Variants in MARCHF3 observed in about 807,000 individuals in gnomAD.
The protein encoded by MARCHF3 is membrane associated ring-CH-type finger 3.
A neutral mutation model predicts 24.2 loss-of-function variants in MARCHF3; 13 were observed. That is an observed-to-expected ratio of 0.54 (90% confidence interval 0.35 to 0.85). The LOEUF is 0.85. Ranked by LOEUF, MARCHF3 falls within the 40% of genes least tolerant of loss-of-function variation. MARCHF3 has a pLI of 0.01. For missense variants in MARCHF3, 276 were observed against 325.0 expected (o/e 0.85, Z 1.16); for synonymous variants, 144 against 137.3 (o/e 1.05, Z -0.34).
At chr5:126,950,812 T>C (rs1750206301) in intron 1 of MARCHF3, among the ~76,000 whole-genome samples, 1 of 152,200 alleles carries the variant, frequency 6.6e-6, no homozygotes, top group Non-Finnish European at 1.5e-5. Flanking sequence ...ACAGCAAATC[T>C]CCCTGAAATA....
At chr5:126,981,402 C>A (rs1176015528) in intron 1 of MARCHF3, among the ~76,000 whole-genome samples, 1 of 152,214 alleles carries the variant, frequency 6.6e-6, no homozygotes. Flanking sequence ...TTGGACCACA[C>A]AACCTCAGAG....
Position 126,948,640 on chromosome 5 carries a change from C to G in MARCHF3, c.-56-30413G>C, listed in dbSNP as rs747326681. Among the ~76,000 whole-genome samples the G allele has an allele frequency of 2.0e-5, 3 of 152,224 alleles. No homozygotes were observed. In the South Asian group the frequency reaches 6.2e-4, roughly 32 times the overall value. ...TGATCCTTGGGCTATGTCTTAGGGG[C>G]GTATTTCTTAAGTGCTTGGGGATTT... On this transcript the variant is annotated intron_variant, in intron 1 of 4. Transcript: ENST00000308660.
chr5:126,877,263 CTG>C (rs1053210937), intron 4 of MARCHF3, among the ~76,000 whole-genome samples: 3 of 152,126 alleles, frequency 2.0e-5, no homozygotes, highest in Non-Finnish European at 4.4e-5. Flanking sequence ...CATGCTGACA[CTG>C]TGCTATGGGA....
chr5:126,884,463 G>T (rs139489761), intron 3 of MARCHF3, among the ~76,000 whole-genome samples: 1 of 152,102 alleles, frequency 6.6e-6, no homozygotes, highest in African/African-American at 2.4e-5. Flanking sequence ...ACCTCTAGAC[G>T]TGCACATTCA....
intron 2 of MARCHF3, among the ~76,000 whole-genome samples, chr5:126,915,506 A>G (rs1218172797): frequency 1.3e-5 from 2 of 152,256 alleles, no homozygotes; most frequent in East Asian, 3.8e-4. Context: ...TTGAAATGAC[A>G]AATTGAATCT....
At chr5:126,990,381 T>G (rs1343105222) in intron 1 of MARCHF3, among the ~76,000 whole-genome samples, 2 of 151,992 alleles carry the variant, frequency 1.3e-5, no homozygotes, top group Non-Finnish European at 2.9e-5. Context: ...CCTTATGCCT[T>G]GTACAAAAAA....
chr5:126,917,670 T>C lies in MARCHF3; in HGVS notation c.188+314A>G, dbSNP rs577164459. Among the ~76,000 whole-genome samples the C allele has an allele frequency of 2.6e-5, 4 of 152,322 alleles. No homozygotes were observed. The East Asian group carries it at 7.7e-4, about 29-fold the overall frequency. ...TCCTGTTCCAATAGGACCACCTTTG[T>C]TACCTACTGGAGACAACAAGAGAGC... On this transcript the variant is annotated intron_variant, in intron 2 of 4. Coordinates refer to ENST00000308660, the MANE Select transcript of MARCHF3 (RefSeq NM_178450.5).
chr5:126,978,735 C>T (rs138143951), intron 1 of MARCHF3, among the ~76,000 whole-genome samples: 11 of 152,296 alleles, frequency 7.2e-5, no homozygotes, highest in Non-Finnish European at 1.0e-4. Context: ...TTTCTATGAG[C>T]GGCTCTCTCT....
chr5:126,914,607 T>G, intron 3 of MARCHF3: 1 of 453,492 alleles, frequency 2.2e-6, no homozygotes, highest in Admixed American at 3.4e-5. Context: ...GTTTGATCTG[T>G]TGGTTCCATT....
rs540592916 is a variant in MARCHF3, at chr5:126,991,440, C to T, written c.-57+38910G>A. Reference sequence around the variant, plus strand: ...GGAGGGATAGCATTAGGAGAAATACCTAATGTAAATGATGAGTTGATGGGT... The same window carrying T: ...GGAGGGATAGCATTAGGAGAAATACTTAATGTAAATGATGAGTTGATGGGT... On this transcript the variant is annotated intron_variant, in intron 1 of 4. Coordinates refer to ENST00000308660, the MANE Select transcript of MARCHF3 (RefSeq NM_178450.5). 7.6e-3 allele frequency among the ~76,000 whole-genome samples: 1,164 copies of T among 152,210 alleles called. 8 individuals are homozygous for T. The highest frequency in any genetic ancestry group is 0.012 in the Non-Finnish European group (835 of 68,004).
chr5:126,945,537 T>G lies in MARCHF3; in HGVS notation c.-56-27310A>C, dbSNP rs186832759. On this transcript the variant is annotated intron_variant, in intron 1 of 4. Coordinates refer to ENST00000308660, the MANE Select transcript of MARCHF3 (RefSeq NM_178450.5). ...AGTAGAGGGAAAAACATTTGCAAACTCCCCAGTGTTACAGCAACTGAAGGC... is the reference window on the plus strand; with the variant it reads ...AGTAGAGGGAAAAACATTTGCAAACGCCCCAGTGTTACAGCAACTGAAGGC... Among the ~76,000 whole-genome samples, 485 of 152,108 alleles carry G rather than the reference T, an allele frequency of 3.2e-3. 1 individual carries two copies. The highest frequency in any genetic ancestry group is 0.011 in the African/African-American group (454 of 41,510).
In MARCHF3 at chr5:126,893,033, G is replaced by A. The variant is rs374210754; in HGVS notation, c.394-14639C>T. ...TGAGTCTTGGGAGGGTGTATGTGTC[G>A]AGGAATTTATCCATTTCTTCTAGAT... is the stretch of plus-strand genomic sequence containing the variant. On this transcript the variant is annotated intron_variant, in intron 3 of 4. Coordinates refer to ENST00000308660, the MANE Select transcript of MARCHF3 (RefSeq NM_178450.5). Among the ~76,000 whole-genome samples the A allele has an allele frequency of 1.4e-4, 21 of 151,882 alleles. No homozygotes were observed. In the South Asian group the frequency reaches 1.7e-3, roughly 12 times the overall value.
At position 126,955,573 on chromosome 5, in the gene MARCHF3, T is replaced by A. The variant is rs556432381; in HGVS notation, c.-56-37346A>T. On this transcript the variant is annotated intron_variant, in intron 1 of 4. Transcript: ENST00000308660. ...CTCCTAATTGTTAGTAAGGTCAGCA[T>A]CTCTTATGTTTATTGGTTCTTTAAA... Among the ~76,000 whole-genome samples, 163 of 152,358 alleles carry A rather than the reference T, an allele frequency of 1.1e-3. 1 individual carries two copies. Among genetic ancestry groups the A allele is most frequent in the African/African-American group, 3.7e-3 (153 of 41,590 alleles).
rs565079709 is a variant in MARCHF3, at chr5:126,970,314, C to G, written c.-56-52087G>C. ...TGTTAGCCAGGCTGGTCTCGAACTC[C>G]TGACCTCAGATGATACACCCACCTC... On this transcript the variant is annotated intron_variant, in intron 1 of 4. Transcript: ENST00000308660. 3.4e-4 allele frequency among the ~76,000 whole-genome samples: 52 copies of G among 152,214 alleles called. No homozygotes were observed. The South Asian group carries it at 0.01, about 30-fold the overall frequency.
rs369285219 is a variant in MARCHF3 at position 126,922,552 on chromosome 5, A to ATTTATTAT, written c.-56-4326_-56-4325insATAATAAA. The stretch of plus-strand genomic sequence containing the variant: ...TATTTATTTATTTATTTATTTATTT[A>ATTTATTAT]TTATTTATTTTTGAGTCGGAGTCTC... On this transcript the variant is annotated intron_variant, in intron 1 of 4. Coordinates refer to ENST00000308660, the MANE Select transcript of MARCHF3 (RefSeq NM_178450.5). 3.9e-4 allele frequency among the ~76,000 whole-genome samples: 43 copies of ATTTATTAT among 111,094 alleles called. No individual in the cohort carries two copies. The South Asian group carries it at 5.4e-3, about 14-fold the overall frequency. 72.9% of individuals were successfully genotyped at this position (111,094 alleles called of 152,430 possible). A position where few individuals can be genotyped will look rare whatever the true frequency, so the allele number is the denominator to read the frequency against.
At chr5:126,995,247 C>T (rs1751912092) in intron 1 of MARCHF3, among the ~76,000 whole-genome samples, 2 of 152,230 alleles carry the variant, frequency 1.3e-5, no homozygotes, top group Non-Finnish European at 2.9e-5. Context: ...CTTGGACACA[C>T]AGTTTAAAAA....
At chr5:126,896,246 G>A (rs1465463852) in intron 3 of MARCHF3, among the ~76,000 whole-genome samples, 1 of 152,120 alleles carries the variant, frequency 6.6e-6, no homozygotes, top group African/African-American at 2.4e-5. Context: ...TACCTCAGAT[G>A]GAAATGCAGA....
At chr5:126,870,823 G>T (rs193141880) in intron 4 of MARCHF3, 32 bp from the exon 5 acceptor site, 22 of 1,611,952 alleles carry the variant, frequency 1.4e-5, no homozygotes, top group African/African-American at 2.7e-5. Flanking sequence ...TAAGAGAAAA[G>T]AATTCAGGTC....
At chr5:126,880,574 A>T (rs1561775384) in intron 3 of MARCHF3, among the ~76,000 whole-genome samples, 1 of 152,214 alleles carries the variant, frequency 6.6e-6, no homozygotes, top group South Asian at 2.1e-4. Context: ...GCATTATTGT[A>T]TCTTAATTTT....
Sources: allele counts gnomAD v4.1 joint callset (sites outside exome capture counted in the v4.1 genomes callset), GRCh38; gene constraint gnomAD v4.1.1; transcripts MANE v1.5; gene names NCBI Gene and HGNC (gene_info 2026-07-23, HGNC 2026-07-21).